The following GBP7 variants were observed in gnomAD, a reference collection of about 807,000 sequenced individuals.
GBP7 encodes the protein guanylate-binding protein 7.
A neutral mutation model predicts 61.3 loss-of-function variants in GBP7; 43 were observed. That is an observed-to-expected ratio of 0.70 (90% CI 0.55 to 0.91). The LOEUF is 0.91. Ranked by LOEUF, GBP7 falls within the 40% of genes least tolerant of loss-of-function variation. The probability of loss-of-function intolerance (pLI) is 0.00; values close to 1 mark genes in which losing one functional copy is unlikely to be tolerated. For synonymous variants in GBP7, 267 were observed against 271.0 expected (o/e 0.99, Z 0.14); for missense variants, 717 against 740.5 (o/e 0.97, Z 0.37).
chr1:89,140,009 A>G (rs1406312660), intron 9 of GBP7, among the ~76,000 whole-genome samples: 1 of 152,150 alleles, frequency 6.6e-6, no homozygotes, highest in Non-Finnish European at 1.5e-5. Flanking sequence ...TTATTGCGGC[A>G]CTATTCACAA....
intron 9 of GBP7, among the ~76,000 whole-genome samples, chr1:89,135,129 C>T (rs80240537): frequency 6.6e-6 from 1 of 151,836 alleles, no homozygotes; most frequent in African/African-American, 2.4e-5. Flanking sequence ...TTCAAATCAA[C>T]TTAGTCAAAC....
intron 3 of GBP7, among the ~76,000 whole-genome samples, chr1:89,156,400 C>T (rs1245844450): frequency 1.3e-5 from 2 of 152,186 alleles, no homozygotes; most frequent in African/African-American, 4.8e-5. Context: ...TTAAAAGACA[C>T]AGACTGGCAA....
chr1:89,149,421 T>C lies in GBP7; in HGVS notation c.1023A>G (p.Gln341=). 1 of 1,614,204 alleles carries C rather than the reference T, an allele frequency of 6.2e-7. No homozygotes were observed. Among genetic ancestry groups the C allele is most frequent in the African/African-American group, 1.3e-5 (1 of 75,054 alleles). Residue 341 remains glutamine, a synonymous_variant, in exon 7 of 11, where the codon CAA becomes CAG. Coordinates refer to ENST00000294671, the MANE Select transcript of GBP7 (RefSeq NM_207398.3). The part of the protein sequence containing the change: ...ANHYSQQMAQ[Q]VRFPTDTLQE... Reference sequence around the variant, plus strand: ...GGAGTGTGTCTGTGGGGAATCTCACTTGCTGGGCCATCTGCTGGCTGTAGT... The same window carrying C: ...GGAGTGTGTCTGTGGGGAATCTCACCTGCTGGGCCATCTGCTGGCTGTAGT...
intron 8 of GBP7, among the ~76,000 whole-genome samples, chr1:89,144,985 G>T (rs150375036): frequency 1.5e-5 from 2 of 134,860 alleles, no homozygotes; most frequent in Non-Finnish European, 3.1e-5. Context: ...ACGGAGTCTC[G>T]CTCTGTCACC....
Position 89,138,109 on chromosome 1 carries a change from G to A in GBP7, c.1468+3437C>T, listed in dbSNP as rs373752304. On this transcript the variant is annotated intron_variant, in intron 9 of 10. Transcript: ENST00000294671. ...GTTTACAGCCAATCAGGGAGGTGAA[G>A]CATCTCTACAATGAGAATTATAAAA... 3.7e-4 allele frequency among the ~76,000 whole-genome samples: 56 copies of A among 152,100 alleles called. 6 individuals are homozygous for A. The highest frequency in any genetic ancestry group is 9.2e-4 in the Admixed American group (14 of 15,268).
Position 89,149,415 on chromosome 1 carries a change from T to C in GBP7, c.1029A>G (p.Arg343=). The change falls in exon 7 of 11, where the codon AGA becomes AGG. Residue 343 remains arginine (R), a synonymous_variant. Coordinates refer to ENST00000294671, the MANE Select transcript of GBP7 (RefSeq NM_207398.3). ...HYSQQMAQQV[R]FPTDTLQELL... is the part of the protein sequence containing the mutation. ...GCTCCTGGAGTGTGTCTGTGGGGAA[T>C]CTCACTTGCTGGGCCATCTGCTGGC... The C allele has an allele frequency of 6.2e-7, 1 of 1,614,184 alleles. No individual in the cohort carries two copies. Among genetic ancestry groups the C allele is most frequent in the Non-Finnish European group, 8.5e-7 (1 of 1,180,034 alleles).
intron 10 of GBP7, 96 bp downstream of exon 10, chr1:89,133,162 C>T: frequency 2.4e-6 from 2 of 819,410 alleles, no homozygotes. Context: ...TTTGTGTTTC[C>T]TTCTGAAATC....
chr1:89,165,987 T>C (rs915903440), intron 2 of GBP7, among the ~76,000 whole-genome samples: 1 of 152,232 alleles, frequency 6.6e-6, no homozygotes, highest in Non-Finnish European at 1.5e-5. Context: ...ACCCCCTCTA[T>C]GAGTAACAAG....
At chr1:89,148,521 A>T (rs749025138) in intron 7 of GBP7, among the ~76,000 whole-genome samples, 2 of 152,268 alleles carry the variant, frequency 1.3e-5, no homozygotes, top group African/African-American at 4.8e-5. Context: ...TACACTCAAG[A>T]AAGTATTTAA....
intron 3 of GBP7, among the ~76,000 whole-genome samples, chr1:89,154,232 CT>C (rs1345717491): frequency 7.2e-5 from 11 of 152,152 alleles, no homozygotes; most frequent in Admixed American, 6.5e-4. Flanking sequence ...AATATTTTAT[CT>C]TTGTTGTACA....
chr1:89,164,527 TTAAAAA>T (rs1294315249), intron 3 of GBP7, among the ~76,000 whole-genome samples, 198 bp downstream of exon 3: 1 of 152,224 alleles, frequency 6.6e-6, no homozygotes, highest in East Asian at 1.9e-4. Flanking sequence ...CATCCAACTG[TTAAAAA>T]TAAGAAGATG....
At chr1:89,159,768 C>T (rs1387964026) in intron 3 of GBP7, among the ~76,000 whole-genome samples, 1 of 152,032 alleles carries the variant, frequency 6.6e-6, no homozygotes, top group Non-Finnish European at 1.5e-5. Flanking sequence ...TTGGTGGGAC[C>T]GTAATCTAGT....
Position 89,133,240 on chromosome 1 carries a change from A to G in GBP7, c.1662+18T>C. On this transcript the variant is annotated intron_variant, in intron 10 of 10. Transcript: ENST00000294671. Reference sequence around the variant, plus strand: ...TGGCATTGTGCCTCAAGCACTGCCAAGCTTCATCCAGACTCACCTTCATCT... The same window carrying G: ...TGGCATTGTGCCTCAAGCACTGCCAGGCTTCATCCAGACTCACCTTCATCT... 2 of 1,602,824 alleles carry G rather than the reference A, an allele frequency of 1.2e-6. No individual in the cohort carries two copies. Among genetic ancestry groups the G allele is most frequent in the Middle Eastern group, 1.7e-4 (1 of 6,016 alleles).
intron 2 of GBP7, among the ~76,000 whole-genome samples, chr1:89,168,915 G>A (rs1194343053): frequency 1.3e-5 from 2 of 152,086 alleles, no homozygotes; most frequent in African/African-American, 2.4e-5. Context: ...GTTGCGGTGA[G>A]CTGAGATCTC....
At chr1:89,170,069 A>G (rs1367711494) in intron 2 of GBP7, among the ~76,000 whole-genome samples, 1 of 152,184 alleles carries the variant, frequency 6.6e-6, no homozygotes, top group Non-Finnish European at 1.5e-5. Flanking sequence ...TTTTTGTTCA[A>G]ATTGTACCAG....
chr1:89,148,599 G>A (rs1360195087), intron 7 of GBP7, among the ~76,000 whole-genome samples: 1 of 152,224 alleles, frequency 6.6e-6, no homozygotes, highest in Non-Finnish European at 1.5e-5. Flanking sequence ...AGAAGAGGAA[G>A]CCAGAGAAAT....
At chr1:89,174,120 C>G (rs1000310604) in intron 1 of GBP7, among the ~76,000 whole-genome samples, 1 of 152,256 alleles carries the variant, frequency 6.6e-6, no homozygotes, top group South Asian at 2.1e-4. Context: ...GTGGATTATA[C>G]CCCAGTTTAT....
chr1:89,166,115 T>C (rs537832451), intron 2 of GBP7, among the ~76,000 whole-genome samples: 5 of 152,296 alleles, frequency 3.3e-5, no homozygotes, highest in African/African-American at 1.2e-4. Context: ...TTTGTCATAG[T>C]GGCAGACACA....
At chr1:89,169,250 A>G (rs1318585490) in intron 2 of GBP7, among the ~76,000 whole-genome samples, 1 of 152,152 alleles carries the variant, frequency 6.6e-6, no homozygotes, top group Non-Finnish European at 1.5e-5. Context: ...TTGTGTATGT[A>G]TTTATGTTTG....
Sources: allele counts gnomAD v4.1 joint callset (sites outside exome capture counted in the v4.1 genomes callset), GRCh38; gene constraint gnomAD v4.1.1; transcripts MANE v1.5; gene names NCBI Gene and HGNC (gene_info 2026-07-23, HGNC 2026-07-21).